Variants in PLEKHA3 observed in about 807,000 individuals in gnomAD.
The protein encoded by PLEKHA3 is pleckstrin homology domain containing A3, also known as pleckstrin homology domain-containing family A member 3.
Under a neutral mutation model 39.2 loss-of-function variants are expected in PLEKHA3, and 19 were observed. The ratio of observed to expected loss-of-function variants is 0.48; its 90% CI spans 0.34 to 0.71. PLEKHA3 has a LOEUF of 0.71. Among genes scored for constraint, PLEKHA3 ranks in the 30% least tolerant of loss-of-function variants. The pLI, the probability that PLEKHA3 is intolerant of heterozygous loss-of-function variation, is 0.01. For synonymous variants in PLEKHA3, 97 were observed against 118.6 expected, an observed-to-expected ratio of 0.82 and a Z score of 1.18; for missense variants, 253 against 359.5, an observed-to-expected ratio of 0.70 and a Z score of 2.40.
chr2:178,495,594 T>G lies in PLEKHA3; in HGVS notation c.549T>G (p.Pro183=). 6.2e-7 allele frequency: 1 copy of G among 1,614,156 alleles called. No homozygotes were observed. Among genetic ancestry groups the G allele is most frequent in the South Asian group, 1.1e-5 (1 of 91,084 alleles). The change falls in exon 5 of 8, where the codon CCT becomes CCG. Residue 183 remains proline, a synonymous_variant. Coordinates refer to ENST00000234453, the MANE Select transcript of PLEKHA3 (RefSeq NM_019091.4). ...AGATAGCCAATGCCAAGTTTAAACC[T>G]GAGATGTTTCAACTGCACCATCCGG... ...CVKIANAKFK[P]EMFQLHHPDP...
At chr2:178,500,566 T>C (rs1385605482) in intron 6 of PLEKHA3, among the ~76,000 whole-genome samples, 1 of 152,104 alleles carries the variant, frequency 6.6e-6, no homozygotes. Context: ...CTTCTCTGTT[T>C]AAATTTTTCA....
At chr2:178,501,020 T>G (rs1685521799) in intron 6 of PLEKHA3, 41 bp from the exon 7 acceptor site, 2 of 1,293,578 alleles carry the variant, frequency 1.5e-6, no homozygotes, top group Non-Finnish European at 2.2e-6. Context: ...TTTTTGTTTA[T>G]GTAAGGCCTT....
intron 5 of PLEKHA3, 75 bp from the exon 6 acceptor site, chr2:178,499,136 A>G: frequency 7.3e-7 from 1 of 1,360,878 alleles, no homozygotes; most frequent in Non-Finnish European, 1.0e-6. Context: ...TTATGATAAT[A>G]GTAAATTAGA....
chr2:178,482,324 C>G (rs1296098955), intron 1 of PLEKHA3, among the ~76,000 whole-genome samples: 1 of 151,852 alleles, frequency 6.6e-6, no homozygotes, highest in Admixed American at 6.6e-5. Flanking sequence ...ATTGCTTGCT[C>G]AAGACCAACC....
chr2:178,505,506 T>C lies in PLEKHA3; in HGVS notation c.*1619T>C, dbSNP rs1311825298. 6.6e-6 allele frequency: 1 copy of C among 151,714 alleles called. No homozygotes were observed. The highest frequency in any genetic ancestry group is 2.4e-5 in the African/African-American group (1 of 41,376). 9.4% of individuals were successfully genotyped at this position (151,714 alleles called of 1,614,324 possible). On this transcript the variant is annotated 3_prime_UTR_variant, in exon 8 of 8. Transcript: ENST00000234453. ...CATATGTCTAATTTGAAAAAAAAAG[T>C]TTGATAATGTAGTAAGTTATGACGT... is the stretch of plus-strand genomic sequence containing the variant.
In PLEKHA3 at chr2:178,507,658, G is replaced by GTTTTTTTTTTTTTTTTTTTTTTTT. The variant is rs35052196; in HGVS notation, c.*3784_*3807dup. 6.9e-5 allele frequency: 2 copies of GTTTTTTTTTTTTTTTTTTTTTTTT among 28,804 alleles called. 1 individual carries two copies. Among genetic ancestry groups the GTTTTTTTTTTTTTTTTTTTTTTTT allele is most frequent in the African/African-American group, 1.9e-4 (2 of 10,502 alleles). The allele number at this position is 28,804 out of a possible 1,614,324, so 1.8% of individuals were successfully genotyped here. Reference sequence around the variant, plus strand: ...CCTTTAGTTTTTAGTCTCACATTAGGTTTTTTTTTTTTTTTTTTTTTTTTT... The same window carrying GTTTTTTTTTTTTTTTTTTTTTTTT: ...CCTTTAGTTTTTAGTCTCACATTAGGTTTTTTTTTTTTTTTTTTTTTTTTTTTTTTTTTTTTTTTTTTTTTTTTT... On this transcript the variant is annotated 3_prime_UTR_variant, in exon 8 of 8. Transcript: ENST00000234453.
At position 178,509,307 on chromosome 2, in the gene PLEKHA3, C is replaced by G. The variant is rs891423427; in HGVS notation, c.*5420C>G. On this transcript the variant is annotated 3_prime_UTR_variant, in exon 8 of 8. Transcript: ENST00000234453. ...CTTTAGTATTAATTTGTAATTCATT[C>G]TAGTGATTTTTAATTCATATGGTTT... is the stretch of plus-strand genomic sequence containing the variant. 3.3e-5 allele frequency: 5 copies of G among 151,968 alleles called. No individual in the cohort carries two copies. In the South Asian group the frequency reaches 1.0e-3, roughly 32 times the overall value. 9.4% of individuals were successfully genotyped at this position (151,968 alleles called of 1,614,324 possible).
chr2:178,495,863 C>G (rs773268082), intron 5 of PLEKHA3, among the ~76,000 whole-genome samples: 6 of 152,152 alleles, frequency 3.9e-5, no homozygotes, highest in Non-Finnish European at 8.8e-5. Context: ...GTCCTCATTC[C>G]CTTCTCCTTG....
At chr2:178,490,588 T>G in intron 2 of PLEKHA3, 71 bp from the exon 3 acceptor site, 1 of 1,417,208 alleles carries the variant, frequency 7.1e-7, no homozygotes, top group Non-Finnish European at 9.8e-7. Context: ...ACTGTGTGAT[T>G]AGATGATTAT....
rs1685632791 is a variant in PLEKHA3, at chr2:178,508,099, A to T, written c.*4212A>T. On this transcript the variant is annotated 3_prime_UTR_variant, in exon 8 of 8. Coordinates refer to ENST00000234453, the MANE Select transcript of PLEKHA3 (RefSeq NM_019091.4). ...TGTGTGTGTGTGTGTGATCTTTTTG[A>T]CAGTTTTCTCTCTTCCATTTTCTTT... 1 of 147,028 alleles carries T rather than the reference A, an allele frequency of 6.8e-6. No homozygotes were observed. Among genetic ancestry groups the T allele is most frequent in the African/African-American group, 2.6e-5 (1 of 39,182 alleles). The allele number at this position is 147,028 out of a possible 1,614,324, so 9.1% of individuals were successfully genotyped here.
At chr2:178,500,050 A>G (rs1027397329) in intron 6 of PLEKHA3, among the ~76,000 whole-genome samples, 1 of 152,168 alleles carries the variant, frequency 6.6e-6, no homozygotes, top group Admixed American at 6.5e-5. Context: ...TCATATCAAT[A>G]CGTTTAAAAA....
intron 7 of PLEKHA3, among the ~76,000 whole-genome samples, chr2:178,503,266 G>T (rs748281228): frequency 6.6e-6 from 1 of 151,930 alleles, no homozygotes; most frequent in Non-Finnish European, 1.5e-5. Context: ...TGTCAGCTTT[G>T]CTCAGAAAGT....
In PLEKHA3 at chr2:178,495,629, T is replaced by C; in HGVS notation, c.584T>C (p.Val195Ala). Residue 195 changes from valine (V) to alanine (A), a missense_variant, in exon 5 of 8, where the codon GTT becomes GCT. Physicochemically the swap from Val to Ala is moderately conservative, Grantham distance 64 (BLOSUM62 0). Around this residue, in one of 2 missense-constraint regions of PLEKHA3, gnomAD observed 127 missense variants for 136.8 expected, o/e 0.93. Coordinates refer to ENST00000234453, the MANE Select transcript of PLEKHA3 (RefSeq NM_019091.4). ...MFQLHHPDPL[V>A]SPVSPSPVQM... ...CAACTGCACCATCCGGATCCCTTAG[T>C]TTCTCCTGTGTCACCTTCTCCTGTT... The C allele has an allele frequency of 1.2e-6, 2 of 1,612,840 alleles. No homozygotes were observed. The highest frequency in any genetic ancestry group is 1.1e-5 in the South Asian group (1 of 90,926).
At chr2:178,493,640 A>C (rs886267513) in intron 3 of PLEKHA3, among the ~76,000 whole-genome samples, 8 of 152,174 alleles carry the variant, frequency 5.3e-5, no homozygotes, top group Admixed American at 2.6e-4. Context: ...TCTGGAAATC[A>C]CCTAAACATG....
chr2:178,497,269 C>T (rs1280982487), intron 5 of PLEKHA3, among the ~76,000 whole-genome samples: 8 of 151,428 alleles, frequency 5.3e-5, no homozygotes, highest in Non-Finnish European at 8.8e-5. Flanking sequence ...CTTGCTCTGT[C>T]GCCCAGGCTG....
At chr2:178,487,962 T>C (rs918232775) in intron 2 of PLEKHA3, among the ~76,000 whole-genome samples, 3 of 152,144 alleles carry the variant, frequency 2.0e-5, no homozygotes, top group African/African-American at 7.2e-5. Context: ...TTGAATACTT[T>C]TTTAGATGTT....
At position 178,503,807 on chromosome 2, in the gene PLEKHA3, G is replaced by T. The variant is rs760709768; in HGVS notation, c.823G>T (p.Ala275Ser). ...KNTLNGDLAS[A>S]TIPEESRLMA... ...TACACTTAATGGAGATTTGGCATCAGCAACCATTCCTGAAGAAAGCAGACT... is the reference window on the plus strand; with the variant it reads ...TACACTTAATGGAGATTTGGCATCATCAACCATTCCTGAAGAAAGCAGACT... Residue 275 changes from alanine to serine, a missense_variant, in exon 8 of 8, where the codon GCA becomes TCA. Transcript: ENST00000234453. The T allele has an allele frequency of 6.2e-7, 1 of 1,611,882 alleles. No homozygotes were observed. Among genetic ancestry groups the T allele is most frequent in the Admixed American group, 1.7e-5 (1 of 59,936 alleles).
rs776951730 is a variant in PLEKHA3 at position 178,514,512 on chromosome 2, C to T, written c.*10625C>T. ...ACTAGGATGAACTCTTAAGTTCATA[C>T]ATATACTTTAAAATGGGAACAAACA... On this transcript the variant is annotated 3_prime_UTR_variant, in exon 8 of 8. Transcript: ENST00000234453. 1 of 152,114 alleles carries T rather than the reference C, an allele frequency of 6.6e-6. No homozygotes were observed. Among genetic ancestry groups the T allele is most frequent in the Admixed American group, 6.5e-5 (1 of 15,274 alleles). 9.4% of individuals were successfully genotyped at this position (152,114 alleles called of 1,614,324 possible).
intron 2 of PLEKHA3, among the ~76,000 whole-genome samples, chr2:178,485,999 A>G (rs1456545528): frequency 6.6e-6 from 1 of 152,194 alleles, no homozygotes; most frequent in East Asian, 1.9e-4. Context: ...TCCAATTTGG[A>G]TTTGACAAAC....
Sources: allele counts gnomAD v4.1 joint callset (sites outside exome capture counted in the v4.1 genomes callset), GRCh38; gene constraint gnomAD v4.1.1; regional missense constraint gnomAD v4.1.1; transcripts MANE v1.5; gene names NCBI Gene and HGNC (gene_info 2026-07-23, HGNC 2026-07-21).